ANO6: variants seen among roughly 807,000 people sequenced by gnomAD.
The protein encoded by ANO6 is anoctamin 6.
ANO6 carries 106 observed loss-of-function variants against 117.5 expected under a neutral mutation model. The observed-to-expected ratio is 0.90, with a 90% CI of 0.77 to 1.06. The LOEUF (loss-of-function observed/expected upper bound fraction) is 1.06. Ranked by LOEUF, ANO6 falls within the 50% of genes least tolerant of loss-of-function variation. The pLI is 0.00. For synonymous variants in ANO6, 367 were observed against 385.1 expected (o/e 0.95, Z 0.55); for missense variants, 955 against 1,121.1 (o/e 0.85, Z 2.12).
At chr12:45,334,363 T>G (rs1940763993) in intron 3 of ANO6, among the ~76,000 whole-genome samples, 1 of 152,080 alleles carries the variant, frequency 6.6e-6, no homozygotes, top group African/African-American at 2.4e-5. Context: ...CTGGATTAGT[T>G]TATTGGCTCA....
intron 1 of ANO6, among the ~76,000 whole-genome samples, chr12:45,249,916 G>A (rs1056384428): frequency 2.0e-5 from 3 of 152,062 alleles, no homozygotes; most frequent in Admixed American, 1.3e-4. Context: ...AAAGACTAAT[G>A]TGCTTAATGA....
intron 1 of ANO6, among the ~76,000 whole-genome samples, chr12:45,243,588 C>T (rs1947778274): frequency 2.0e-5 from 3 of 150,912 alleles, no homozygotes; most frequent in South Asian, 4.2e-4. Context: ...TTGTTCTTGT[C>T]GCCTAGGCTG....
chr12:45,385,328 A>G (rs78835947), intron 10 of ANO6, among the ~76,000 whole-genome samples: 2,030 of 152,278 alleles, frequency 0.013, 38 homozygotes, highest in African/African-American at 0.047. Context: ...GAATGATTGC[A>G]TAATTACAGA....
chr12:45,394,245 C>A (rs186885382), intron 12 of ANO6, among the ~76,000 whole-genome samples: 4 of 152,002 alleles, frequency 2.6e-5, no homozygotes. Context: ...AAAAGAGAGA[C>A]AAAATAGGCC....
Position 45,429,911 on chromosome 12 carries a change from C to CA in ANO6, c.*607dup, listed in dbSNP as rs1469908198. 10 of 988,800 alleles carry CA rather than the reference C, an allele frequency of 1.0e-5. No individual in the cohort carries two copies. Among genetic ancestry groups the CA allele is most frequent in the African/African-American group, 5.2e-5 (3 of 57,324 alleles). 61.3% of individuals were successfully genotyped at this position (988,800 alleles called of 1,614,324 possible). A position where few individuals can be genotyped will look rare whatever the true frequency, so the allele number is the denominator to read the frequency against. On this transcript the variant is annotated 3_prime_UTR_variant, in exon 20 of 20. Coordinates refer to ENST00000320560, the MANE Select transcript of ANO6 (RefSeq NM_001025356.3). Reference sequence around the variant, plus strand: ...TTCATTTGAGCATGTCTTTCCATCTCAAAAAAATACTCTTAGTAGGTTGGA... The same window carrying CA: ...TTCATTTGAGCATGTCTTTCCATCTCAAAAAAAATACTCTTAGTAGGTTGGA...
chr12:45,320,844 G>A (rs549088187), intron 2 of ANO6, among the ~76,000 whole-genome samples: 11 of 152,258 alleles, frequency 7.2e-5, no homozygotes, highest in South Asian at 2.1e-4. Context: ...AGATCTTCTC[G>A]TTGAATTAAT....
At chr12:45,386,527 C>T (rs1942303246) in intron 10 of ANO6, among the ~76,000 whole-genome samples, 1 of 152,158 alleles carries the variant, frequency 6.6e-6, no homozygotes, top group African/African-American at 2.4e-5. Flanking sequence ...TGCATCCATC[C>T]GTCTGCCTTC....
rs139767343 is a variant in ANO6, at chr12:45,250,572, G to T, written c.70+34181G>T. Among the ~76,000 whole-genome samples, 922 of 151,456 alleles carry T rather than the reference G, an allele frequency of 6.1e-3. 29 individuals carry two copies. The East Asian group carries it at 0.066, about 11-fold the overall frequency. On this transcript the variant is annotated intron_variant, in intron 1 of 19. Transcript: ENST00000320560. The stretch of plus-strand genomic sequence containing the variant: ...CATGCCCAGCTAATTAAATTTTTTT[G>T]TTGTTGTTGTTGTTGAGGGGTCGTC...
downstream of ANO6, among the ~76,000 whole-genome samples, chr12:45,432,681 T>G (rs1943660069): frequency 6.6e-6 from 1 of 152,230 alleles, no homozygotes. Context: ...CAATAGCACT[T>G]ATAAATGTAG....
In ANO6 at chr12:45,430,527, ACTGT is replaced by A. The variant is rs1943606971; in HGVS notation, c.*1220_*1223del. The A allele has an allele frequency of 1.0e-6, 1 of 985,348 alleles. No homozygotes were observed. The highest frequency in any genetic ancestry group is 1.7e-5 in the African/African-American group (1 of 57,236). 61.0% of individuals were successfully genotyped at this position (985,348 alleles called of 1,614,324 possible). On this transcript the variant is annotated 3_prime_UTR_variant, in exon 20 of 20. Coordinates refer to ENST00000320560, the MANE Select transcript of ANO6 (RefSeq NM_001025356.3). ...ACTCTGGGCCCAGTAATTTGATGTA[ACTGT>A]CTGATTGTACTAGAGACAGGAGTAT...
chr12:45,317,831 A>G (rs1940104468), intron 2 of ANO6, among the ~76,000 whole-genome samples: 1 of 152,088 alleles, frequency 6.6e-6, no homozygotes, highest in African/African-American at 2.4e-5. Context: ...GTGTGAGATG[A>G]TACCTCACTG....
intron 7 of ANO6, among the ~76,000 whole-genome samples, chr12:45,353,624 T>C (rs909037369): frequency 6.6e-6 from 1 of 152,190 alleles, no homozygotes; most frequent in Non-Finnish European, 1.5e-5. Flanking sequence ...TTAAACCTCA[T>C]CTATGGTTCC....
At chr12:45,351,928 G>A (rs1264566393) in intron 7 of ANO6, among the ~76,000 whole-genome samples, 2 of 152,156 alleles carry the variant, frequency 1.3e-5, no homozygotes, top group South Asian at 2.1e-4. Context: ...GGAGCAGGGA[G>A]ACCACTAGGT....
intron 10 of ANO6, among the ~76,000 whole-genome samples, chr12:45,381,008 T>G (rs967153976): frequency 6.6e-6 from 1 of 152,106 alleles, no homozygotes; most frequent in African/African-American, 2.4e-5. Flanking sequence ...TTAATCTAAC[T>G]TCTCTGCCTC....
intron 1 of ANO6, among the ~76,000 whole-genome samples, chr12:45,269,011 G>A (rs1320045423): frequency 1.3e-5 from 2 of 152,170 alleles, no homozygotes; most frequent in African/African-American, 4.8e-5. Flanking sequence ...CAGGACGCCT[G>A]GCCGCTCATT....
chr12:45,343,907 C>G (rs1432781309), intron 3 of ANO6, among the ~76,000 whole-genome samples: 2 of 98,368 alleles, frequency 2.0e-5, no homozygotes, highest in Admixed American at 9.0e-5. Context: ...TCTGCTTGGC[C>G]TGGCTTTGCA....
At chr12:45,426,297 T>C (rs942743595) in intron 19 of ANO6, among the ~76,000 whole-genome samples, 2 of 152,224 alleles carry the variant, frequency 1.3e-5, no homozygotes, top group East Asian at 3.8e-4. Flanking sequence ...ATGAAAGAAC[T>C]CTTTCCTACA....
In ANO6 at chr12:45,432,291, T is replaced by C. The variant is rs1355715330; in HGVS notation, c.*2980T>C. 23 of 921,278 alleles carry C rather than the reference T, an allele frequency of 2.5e-5. No individual in the cohort carries two copies. Among genetic ancestry groups the C allele is most frequent in the Non-Finnish European group, 2.8e-5 (22 of 772,298 alleles). 57.1% of individuals were successfully genotyped at this position (921,278 alleles called of 1,614,324 possible). A position where few individuals can be genotyped will look rare whatever the true frequency, so the allele number is the denominator to read the frequency against. ...TTATAATTATTAATGTTAATTTCTG[T>C]GCATTTTAATATTCTTTTATAATTA... is the stretch of plus-strand genomic sequence containing the variant. On this transcript the variant is annotated 3_prime_UTR_variant, in exon 20 of 20. Coordinates refer to ENST00000320560, the MANE Select transcript of ANO6 (RefSeq NM_001025356.3).
intron 10 of ANO6, among the ~76,000 whole-genome samples, chr12:45,380,524 A>G (rs1248052894): frequency 1.3e-5 from 2 of 152,172 alleles, no homozygotes; most frequent in African/African-American, 2.4e-5. Context: ...TGCTAGGTCC[A>G]CACCAGCAAA....
Sources: allele counts gnomAD v4.1 joint callset (sites outside exome capture counted in the v4.1 genomes callset), GRCh38; gene constraint gnomAD v4.1.1; transcripts MANE v1.5; gene names NCBI Gene and HGNC (gene_info 2026-07-23, HGNC 2026-07-21).